Variants in CAST observed in about 807,000 individuals in gnomAD.
CAST encodes the protein calpastatin, also known as MIR583 host.
In CAST, 76 loss-of-function variants were observed where a neutral mutation model predicts 119.6. The observed-to-expected ratio is 0.64, with a 90% confidence interval of 0.53 to 0.77. The LOEUF is 0.77. Ranked by LOEUF, CAST falls within the 30% of genes least tolerant of loss-of-function variation. The probability of loss-of-function intolerance (pLI) is 0.00; values close to 1 mark genes in which losing one functional copy is unlikely to be tolerated. For synonymous variants in CAST, 319 were observed against 331.6 expected (o/e 0.96, Z 0.41); for missense variants, 953 against 946.5 (o/e 1.01, Z -0.09).
At chr5:96,742,462 C>T (rs896880505) in intron 15 of CAST, 193 bp from the exon 16 acceptor site, 26 of 563,768 alleles carry the variant, frequency 4.6e-5, no homozygotes, top group African/African-American at 4.5e-4. Flanking sequence ...TGTCTTAGCC[C>T]CAATTTCCAC....
the CAST span, among the ~76,000 whole-genome samples, chr5:96,106,061 T>G: frequency 6.6e-6 from 1 of 152,242 alleles, no homozygotes; most frequent in African/African-American, 2.4e-5. Flanking sequence ...AGTTTGTATT[T>G]CTGTGGGATC....
At chr5:95,962,795 A>G in the CAST span, among the ~76,000 whole-genome samples, 1 of 152,206 alleles carries the variant, frequency 6.6e-6, no homozygotes, top group African/African-American at 2.4e-5. Flanking sequence ...GACAATTCTC[A>G]TTCTCTAATT....
chr5:96,204,786 G>A, the CAST span, among the ~76,000 whole-genome samples: 1 of 151,948 alleles, frequency 6.6e-6, no homozygotes, highest in South Asian at 2.1e-4. Context: ...AGGATTGACA[G>A]TGGTAATACC....
At chr5:96,714,720 C>A (rs984715445) in intron 3 of CAST, 2 of 152,140 alleles carry the variant, frequency 1.3e-5, no homozygotes, top group Non-Finnish European at 2.9e-5. Flanking sequence ...ATGAATACAA[C>A]TTCAGGAAAG....
intron 2 of CAST, among the ~76,000 whole-genome samples, chr5:96,683,647 G>A (rs1001617934): frequency 1.3e-5 from 2 of 152,006 alleles, no homozygotes; most frequent in Non-Finnish European, 2.9e-5. Flanking sequence ...GTGTGGTCCC[G>A]GTACATTTGT....
At chr5:96,068,187 A>G in the CAST span, among the ~76,000 whole-genome samples, 1 of 152,136 alleles carries the variant, frequency 6.6e-6, no homozygotes, top group Admixed American at 6.6e-5. Flanking sequence ...AGGCAGAAGC[A>G]TTTCCTGGGC....
chr5:96,728,871 T>A (rs927490502), intron 6 of CAST: 2 of 321,680 alleles, frequency 6.2e-6, no homozygotes, highest in Admixed American at 4.7e-5. Flanking sequence ...AAACAACCAG[T>A]AATTTAGAGA....
the CAST span, among the ~76,000 whole-genome samples, chr5:96,204,621 G>A: frequency 6.6e-6 from 1 of 152,020 alleles, no homozygotes; most frequent in Non-Finnish European, 1.5e-5. Context: ...CTGTCCCAGG[G>A]TTGCTAAAGG....
the CAST span, among the ~76,000 whole-genome samples, chr5:96,438,237 A>G: frequency 6.6e-6 from 1 of 152,150 alleles, no homozygotes; most frequent in Non-Finnish European, 1.5e-5. Context: ...ATAACTTTAT[A>G]GTTACAGAAA....
At chr5:96,302,059 G>C in the CAST span, among the ~76,000 whole-genome samples, 1 of 152,148 alleles carries the variant, frequency 6.6e-6, no homozygotes, top group African/African-American at 2.4e-5. Context: ...ATTTCCATAC[G>C]ACCTCTGAAA....
chr5:96,615,032 A>G (rs1747427755), intron 1 of CAST, among the ~76,000 whole-genome samples: 1 of 152,238 alleles, frequency 6.6e-6, no homozygotes, highest in Non-Finnish European at 1.5e-5. Context: ...TGCAGAAATC[A>G]TATGCATTCA....
At position 96,728,966 on chromosome 5, in the gene CAST, A is replaced by G. The variant is rs145034933; in HGVS notation, c.379-187A>G. 945 of 536,462 alleles carry G rather than the reference A, an allele frequency of 1.8e-3. 10 individuals carry two copies. Among genetic ancestry groups the G allele is most frequent in the African/African-American group, 0.015 (764 of 50,126 alleles). 33.2% of individuals were successfully genotyped at this position (536,462 alleles called of 1,614,324 possible). ...ATCACCATTCTCAGAGACTGCTGAC[A>G]GGGTTACTATTGACCTGATACCACA... On this transcript the variant is annotated intron_variant, in intron 6 of 31. Coordinates refer to ENST00000675179, the MANE Select transcript of CAST (RefSeq NM_001750.7).
the CAST span, among the ~76,000 whole-genome samples, chr5:96,035,842 T>C: frequency 2.0e-5 from 3 of 151,786 alleles, no homozygotes; most frequent in Non-Finnish European, 4.4e-5. Context: ...TCCGTGTAAC[T>C]AGTATGTAGG....
chr5:96,125,897 C>T, the CAST span, among the ~76,000 whole-genome samples: 3 of 152,026 alleles, frequency 2.0e-5, no homozygotes, highest in Non-Finnish European at 4.4e-5. Flanking sequence ...CTTTCATTTT[C>T]AGGGTTTTGA....
the CAST span, among the ~76,000 whole-genome samples, chr5:96,255,787 A>G: frequency 6.6e-6 from 1 of 152,136 alleles, no homozygotes; most frequent in Non-Finnish European, 1.5e-5. Flanking sequence ...CTCATTTCCC[A>G]AGGATAATAT....
chr5:96,623,487 C>T (rs1747660878), intron 1 of CAST, among the ~76,000 whole-genome samples: 1 of 152,116 alleles, frequency 6.6e-6, no homozygotes, highest in South Asian at 2.1e-4. Flanking sequence ...GGAGCATTTA[C>T]ATCATTTTTC....
At chr5:96,342,289 C>G in the CAST span, among the ~76,000 whole-genome samples, 1 of 152,196 alleles carries the variant, frequency 6.6e-6, no homozygotes, top group African/African-American at 2.4e-5. Flanking sequence ...AACTCATCTG[C>G]TTTTTCATTG....
chr5:96,517,034 G>A, the CAST span, among the ~76,000 whole-genome samples: 1 of 152,116 alleles, frequency 6.6e-6, no homozygotes, highest in African/African-American at 2.4e-5. Context: ...AGCAGTTACA[G>A]TCTCATAAGC....
chr5:96,666,891 C>T (rs577260564), intron 1 of CAST, among the ~76,000 whole-genome samples: 2 of 151,742 alleles, frequency 1.3e-5, no homozygotes, highest in South Asian at 4.1e-4. Context: ...TAGATTGTCT[C>T]AGCAGATACA....
Sources: allele counts gnomAD v4.1 joint callset (sites outside exome capture counted in the v4.1 genomes callset), GRCh38; gene constraint gnomAD v4.1.1; transcripts MANE v1.5; gene names NCBI Gene and HGNC (gene_info 2026-07-23, HGNC 2026-07-21).